The following SLC47A1 variants were observed in gnomAD, a reference collection of about 807,000 sequenced individuals.
SLC47A1 encodes the protein multidrug and toxin extrusion protein 1.
Under a neutral mutation model 65.8 loss-of-function variants are expected in SLC47A1, and 58 were observed. The ratio of observed to expected loss-of-function variants is 0.88; its 90% CI spans 0.71 to 1.10. The LOEUF (loss-of-function observed/expected upper bound fraction) is 1.10. Ranked by LOEUF, SLC47A1 falls within the 50% of genes least tolerant of loss-of-function variation. The pLI is 0.00. For missense variants in SLC47A1, 706 were observed against 719.2 expected (o/e 0.98, Z 0.21); for synonymous variants, 285 against 295.0 (o/e 0.97, Z 0.35).
At chr17:19,559,950 G>A (rs1369236512) in intron 10 of SLC47A1, among the ~76,000 whole-genome samples, 1 of 152,052 alleles carries the variant, frequency 6.6e-6, no homozygotes. Context: ...CCCTCATGTC[G>A]CAGAGGTTGG....
intron 2 of SLC47A1, among the ~76,000 whole-genome samples, chr17:19,545,202 T>TAA (rs1403613594): frequency 0.021 from 3,205 of 152,208 alleles, 116 homozygotes; most frequent in South Asian, 0.087. Flanking sequence ...ATAAAAAATT[T>TAA]TTTTTTTTTT....
At chr17:19,572,721 A>C in intron 15 of SLC47A1, 59 bp from the exon 16 acceptor site, 1 of 1,522,514 alleles carries the variant, frequency 6.6e-7, no homozygotes, top group Non-Finnish European at 9.1e-7. Context: ...CTAGGTGGTC[A>C]AGTAAAATAC....
At chr17:19,547,072 G>C (rs1916309125) in intron 3 of SLC47A1, 1 of 154,124 alleles carries the variant, frequency 6.5e-6, no homozygotes, top group African/African-American at 2.4e-5. Flanking sequence ...TTTGTTTGGA[G>C]ACAGAGTCTT....
chr17:19,556,103 T>C, intron 10 of SLC47A1, 41 bp downstream of exon 10: 1 of 1,607,012 alleles, frequency 6.2e-7, no homozygotes, highest in Non-Finnish European at 8.5e-7. Flanking sequence ...CCAGGCGTTT[T>C]CCTTGCTTGG....
intron 4 of SLC47A1, among the ~76,000 whole-genome samples, chr17:19,548,630 G>A (rs1329712054): frequency 1.3e-5 from 2 of 151,838 alleles, no homozygotes; most frequent in East Asian, 3.9e-4. Flanking sequence ...CTCCCGAGTA[G>A]CTGAGATTAC....
Position 19,542,349 on chromosome 17 carries a change from A to AATG in SLC47A1, c.136-43_136-41dup, listed in dbSNP as rs776104238. ...CACTTGGGGCCCCAGGCTTCCCTGC[A>AATG]ATGGTGGTCACTCACGTCCCTTCCC... On this transcript the variant is annotated intron_variant, in intron 1 of 16. Transcript: ENST00000270570. 4.1e-4 allele frequency: 606 copies of AATG among 1,479,436 alleles called. 1 individual carries two copies. The highest frequency in any genetic ancestry group is 5.3e-4 in the Non-Finnish European group (585 of 1,095,344). The allele number at this position is 1,479,436 out of a possible 1,614,324, so 91.6% of individuals were successfully genotyped here.
At chr17:19,569,362 C>T (rs375905711) in intron 14 of SLC47A1, among the ~76,000 whole-genome samples, 145 of 127,270 alleles carry the variant, frequency 1.1e-3, no homozygotes, top group African/African-American at 5.1e-3. Flanking sequence ...CAGAGTGAGA[C>T]TCTACCTTAA....
At position 19,577,658 on chromosome 17, in the gene SLC47A1, C is replaced by T; in HGVS notation, c.*105C>T. On this transcript the variant is annotated 3_prime_UTR_variant, in exon 17 of 17. Coordinates refer to ENST00000270570, the MANE Select transcript of SLC47A1 (RefSeq NM_018242.3). ...GTGAGTTAATGTCATTCAGGTGTGC[C>T]CATGGATTTTGAGGGCTGGAAATGC... The T allele has an allele frequency of 1.3e-6, 2 of 1,523,364 alleles. No homozygotes were observed. The highest frequency in any genetic ancestry group is 1.8e-6 in the Non-Finnish European group (2 of 1,142,570). The allele number at this position is 1,523,364 out of a possible 1,614,324, so 94.4% of individuals were successfully genotyped here.
At chr17:19,547,325 T>G (rs1454567797) in intron 3 of SLC47A1, among the ~76,000 whole-genome samples, 2 of 148,934 alleles carry the variant, frequency 1.3e-5, no homozygotes, top group African/African-American at 5.0e-5. Context: ...ATTATAGGCA[T>G]GAGCCACAAT....
At chr17:19,570,118 G>GCAAA (rs2084388387) in intron 14 of SLC47A1, among the ~76,000 whole-genome samples, 1 of 152,054 alleles carries the variant, frequency 6.6e-6, no homozygotes, top group Non-Finnish European at 1.5e-5. Flanking sequence ...ACTCTAAAAA[G>GCAAA]CAAACAAACA....
rs1457442013 is a variant in SLC47A1, at chr17:19,546,512, A to G, written c.306+9A>G. 2 of 1,613,010 alleles carry G rather than the reference A, an allele frequency of 1.2e-6. No homozygotes were observed. The highest frequency in any genetic ancestry group is 1.3e-5 in the African/African-American group (1 of 74,866). Reference sequence around the variant, plus strand: ...ACACCCTCATCTCCCAGGTAAATGGAAGTGGTCACACGCTCACAGTGACCT... The same window carrying G: ...ACACCCTCATCTCCCAGGTAAATGGGAGTGGTCACACGCTCACAGTGACCT... On this transcript the variant is annotated intron_variant, in intron 3 of 16. Transcript: ENST00000270570.
At chr17:19,546,168 C>T (rs1470951221) in intron 2 of SLC47A1, among the ~76,000 whole-genome samples, 5 of 152,122 alleles carry the variant, frequency 3.3e-5, no homozygotes, top group South Asian at 2.1e-4. Context: ...TGCAGTGAGC[C>T]GAGATCGCGC....
chr17:19,555,568 C>T, intron 7 of SLC47A1, 25 bp from the exon 8 acceptor site: 2 of 1,610,512 alleles, frequency 1.2e-6, no homozygotes, highest in Non-Finnish European at 1.7e-6. Context: ...AGGTACCTCC[C>T]TCTCATTGGG....
intron 4 of SLC47A1, among the ~76,000 whole-genome samples, chr17:19,548,493 AT>A (rs1376324617): frequency 3.3e-5 from 4 of 119,896 alleles, no homozygotes; most frequent in Non-Finnish European, 6.6e-5. Flanking sequence ...ACCACCCAAG[AT>A]TTTTCTTTTT....
intron 14 of SLC47A1, among the ~76,000 whole-genome samples, chr17:19,569,874 T>A (rs1428884100): frequency 6.6e-6 from 1 of 152,238 alleles, no homozygotes; most frequent in Non-Finnish European, 1.5e-5. Flanking sequence ...CTGAGAACAC[T>A]GGATTTGAAA....
At chr17:19,571,395 A>G (rs972340030) in intron 14 of SLC47A1, 83 bp from the exon 15 acceptor site, 10 of 1,190,858 alleles carry the variant, frequency 8.4e-6, no homozygotes, top group Admixed American at 2.0e-5. Context: ...TATGGCTGAC[A>G]GAAGTGATAT....
intron 16 of SLC47A1, among the ~76,000 whole-genome samples, chr17:19,576,898 C>T (rs2084444753): frequency 1.3e-5 from 2 of 152,142 alleles, no homozygotes; most frequent in Non-Finnish European, 2.9e-5. Context: ...CAAGCATGTG[C>T]CACCATGTCC....
intron 15 of SLC47A1, 50 bp downstream of exon 15, chr17:19,571,622 G>A (rs1341003082): frequency 1.4e-6 from 2 of 1,414,326 alleles, no homozygotes; most frequent in Admixed American, 1.8e-5. Context: ...TAGAAAAACA[G>A]GATCTGATCT....
rs1211450471 is a variant in SLC47A1, at chr17:19,533,980, C to G, written c.41C>G (p.Pro14Arg). The G allele has an allele frequency of 1.3e-6, 2 of 1,539,944 alleles. No homozygotes were observed. Among genetic ancestry groups the G allele is most frequent in the Non-Finnish European group, 1.7e-6 (2 of 1,145,388 alleles). ...GAGCCCGCGCCAGTGCGCGGAGGCCCGGAGGCCACCCTTGAGGTCCGTGGG... is the reference window on the plus strand; with the variant it reads ...GAGCCCGCGCCAGTGCGCGGAGGCCGGGAGGCCACCCTTGAGGTCCGTGGG... Reference protein sequence around the residue: ...PEEPAPVRGGPEATLEVRGSR... With the variant: ...PEEPAPVRGGREATLEVRGSR... The change falls in exon 1 of 17, where the codon CCG becomes CGG. Residue 14 changes from proline to arginine, a missense_variant. Physicochemically the swap from Pro to Arg is moderately radical, Grantham distance 103 (BLOSUM62 -2). Transcript: ENST00000270570.
Sources: gnomAD v4.1 joint callset for allele counts (sites outside exome capture counted in the v4.1 genomes callset) on GRCh38, gnomAD v4.1.1 for gene constraint, MANE v1.5 for transcripts, NCBI Gene and HGNC (gene_info 2026-07-23, HGNC 2026-07-21) for gene names.